The following FOXP4 variants were observed in gnomAD, a reference collection of about 807,000 sequenced individuals.
FOXP4 encodes forkhead box protein P4.
In FOXP4, 25 loss-of-function variants were observed where a neutral mutation model predicts 82.6. The observed-to-expected ratio is 0.30, with a 90% confidence interval of 0.22 to 0.42. FOXP4 has a LOEUF of 0.42. Among genes scored for constraint, FOXP4 ranks in the 10% least tolerant of loss-of-function variants. The pLI is 1.00. For missense variants in FOXP4, 785 were observed against 900.9 expected (o/e 0.87, Z 1.65); for synonymous variants, 415 against 388.2 (o/e 1.07, Z -0.81).
intron 1 of FOXP4, among the ~76,000 whole-genome samples, chr6:41,563,689 TG>T (rs1285974436): frequency 6.6e-6 from 1 of 152,188 alleles, no homozygotes; most frequent in Non-Finnish European, 1.5e-5. Context: ...TGATCAATAT[TG>T]GGGGCTTGCT....
chr6:41,559,365 G>A (rs1052088445), intron 1 of FOXP4, among the ~76,000 whole-genome samples: 8 of 152,200 alleles, frequency 5.3e-5, no homozygotes, highest in Admixed American at 2.0e-4. Flanking sequence ...AACATTGGTC[G>A]CACCAATGAA....
intron 1 of FOXP4, among the ~76,000 whole-genome samples, chr6:41,556,850 G>A (rs1319299204): frequency 6.6e-6 from 1 of 152,200 alleles, no homozygotes; most frequent in Non-Finnish European, 1.5e-5. Context: ...TAGAATGCTT[G>A]GAAAGCTTTT....
At chr6:41,595,833 A>G (rs1460920233) in intron 14 of FOXP4, among the ~76,000 whole-genome samples, 1 of 151,958 alleles carries the variant, frequency 6.6e-6, no homozygotes, top group South Asian at 2.1e-4. Flanking sequence ...CGAATTCCCA[A>G]CTTCAGGTGA....
At chr6:41,559,885 G>T (rs1764469863) in intron 1 of FOXP4, among the ~76,000 whole-genome samples, 1 of 152,158 alleles carries the variant, frequency 6.6e-6, no homozygotes, top group South Asian at 2.1e-4. Context: ...TTCTGTTGGG[G>T]CCCAGTAATC....
intron 2 of FOXP4, among the ~76,000 whole-genome samples, chr6:41,570,693 C>T (rs1765151550): frequency 6.6e-6 from 1 of 152,186 alleles, no homozygotes; most frequent in Non-Finnish European, 1.5e-5. Context: ...TCCCTCACCT[C>T]CCCTTCATGG....
At chr6:41,586,210 T>C (rs984740145) in intron 5 of FOXP4, among the ~76,000 whole-genome samples, 5 of 152,116 alleles carry the variant, frequency 3.3e-5, no homozygotes, top group Non-Finnish European at 7.4e-5. Flanking sequence ...ATTGCTGTGT[T>C]ATCAGCAGGT....
rs1232169055 is a variant in FOXP4 at position 41,590,332 on chromosome 6, C to T, written c.1419C>T (p.Ala473=). 1 of 1,613,918 alleles carries T rather than the reference C, an allele frequency of 6.2e-7. No homozygotes were observed. Among genetic ancestry groups the T allele is most frequent in the Non-Finnish European group, 8.5e-7 (1 of 1,179,988 alleles). The part of the protein sequence containing the change: ...NADVRPPFTY[A]SLIRQAILET... ...ACGTCCGGCCCCCCTTCACCTACGC[C>T]TCCCTCATCCGCCAGGTGAGCAGGG... Residue 473 remains alanine, a synonymous_variant, in exon 12 of 17, where the codon GCC becomes GCT. Transcript: ENST00000307972.
At chr6:41,578,866 C>T (rs933558119) in intron 3 of FOXP4, among the ~76,000 whole-genome samples, 1 of 152,070 alleles carries the variant, frequency 6.6e-6, no homozygotes, top group Non-Finnish European at 1.5e-5. Context: ...TCCCCCCACC[C>T]CTCCCCCAGC....
intron 5 of FOXP4, 79 bp from the exon 6 acceptor site, chr6:41,586,930 G>A: frequency 6.8e-7 from 1 of 1,480,138 alleles, no homozygotes; most frequent in Admixed American, 2.3e-5. Flanking sequence ...GGGAGGGGGT[G>A]GCCGCGGGGT....
intron 2 of FOXP4, among the ~76,000 whole-genome samples, chr6:41,566,850 G>C (rs1764909839): frequency 6.6e-6 from 1 of 152,180 alleles, no homozygotes. Flanking sequence ...GCAGGGCTCT[G>C]TGTGTACCTC....
At chr6:41,549,160 A>C (rs1396007164) in intron 1 of FOXP4, among the ~76,000 whole-genome samples, 1 of 151,696 alleles carries the variant, frequency 6.6e-6, no homozygotes, top group Non-Finnish European at 1.5e-5. Context: ...CCTTGCTACT[A>C]AGTTTGGGAG....
intron 3 of FOXP4, 102 bp downstream of exon 3, chr6:41,578,183 A>G (rs1765597133): frequency 6.1e-6 from 6 of 980,574 alleles, no homozygotes; most frequent in Non-Finnish European, 9.0e-6. Flanking sequence ...TGCCAGTTCC[A>G]ACACCAAAAA....
chr6:41,570,850 T>C (rs2127360384), intron 2 of FOXP4, among the ~76,000 whole-genome samples: 1 of 152,252 alleles, frequency 6.6e-6, no homozygotes, highest in South Asian at 2.1e-4. Context: ...GGGCAGAACT[T>C]GGCCTGGAAC....
At position 41,558,458 on chromosome 6, in the gene FOXP4, C is replaced by G. The variant is rs545481616; in HGVS notation, c.-16-7287C>G. 6.6e-6 allele frequency among the ~76,000 whole-genome samples: 1 copy of G among 152,328 alleles called. No homozygotes were observed. The highest frequency in any genetic ancestry group is 2.1e-4 in the South Asian group (1 of 4,826). ...TCCTGTAATTATAGTCACTACCCTT[C>G]TCTAAACATCTTCCTCATGCAGTGT... is the stretch of plus-strand genomic sequence containing the variant. On this transcript the variant is annotated intron_variant, in intron 1 of 16. Transcript: ENST00000307972. This position sits in a 1 kb window ranked among gnomAD's most constrained non-coding sequence, Gnocchi z 4.0.
intron 14 of FOXP4, among the ~76,000 whole-genome samples, chr6:41,596,021 C>A (rs1250190347): frequency 6.6e-6 from 1 of 152,170 alleles, no homozygotes; most frequent in Non-Finnish European, 1.5e-5. Flanking sequence ...CCTTAGCCTC[C>A]CGAGAAGCTG....
At chr6:41,585,857 T>A (rs1208516929) in intron 5 of FOXP4, among the ~76,000 whole-genome samples, 1 of 152,028 alleles carries the variant, frequency 6.6e-6, no homozygotes, top group African/African-American at 2.4e-5. Context: ...CTTGTCTCTT[T>A]GTGACCCAGC....
At chr6:41,595,761 C>T (rs569750886) in intron 14 of FOXP4, among the ~76,000 whole-genome samples, 1 of 152,216 alleles carries the variant, frequency 6.6e-6, no homozygotes, top group African/African-American at 2.4e-5. Context: ...CACGACCACG[C>T]CCGGCTAATT....
At chr6:41,566,544 C>T (rs780867585) in intron 2 of FOXP4, among the ~76,000 whole-genome samples, 7 of 152,164 alleles carry the variant, frequency 4.6e-5, no homozygotes, top group Non-Finnish European at 8.8e-5. Flanking sequence ...TCTTATATTT[C>T]CTCTTCCACC....
chr6:41,596,655 G>A (rs796906325), intron 14 of FOXP4, among the ~76,000 whole-genome samples: 1 of 152,090 alleles, frequency 6.6e-6, no homozygotes. Context: ...CCCAACTCCC[G>A]AACACCTTCC....
Sources: gnomAD v4.1 joint callset for allele counts (sites outside exome capture counted in the v4.1 genomes callset) on GRCh38, gnomAD v4.1.1 for gene constraint, Gnocchi (gnomAD v3.1) non-coding constraint, MANE v1.5 for transcripts, NCBI Gene and HGNC (gene_info 2026-07-23, HGNC 2026-07-21) for gene names.